The following PFAS variants were observed in gnomAD, a reference collection of about 807,000 sequenced individuals.
PFAS encodes the protein FGAM synthase.
PFAS carries 97 observed loss-of-function variants against 140.6 expected under a neutral mutation model. The ratio of observed to expected loss-of-function variants is 0.69; its 90% CI spans 0.59 to 0.82. PFAS has a LOEUF of 0.82. Ranked by LOEUF, PFAS falls within the 40% of genes least tolerant of loss-of-function variation. PFAS has a pLI of 0.00. For synonymous variants in PFAS, 679 were observed against 718.8 expected (o/e 0.94, Z 0.88); for missense variants, 1,656 against 1,780.2 (o/e 0.93, Z 1.26).
intron 11 of PFAS, among the ~76,000 whole-genome samples, chr17:8,261,259 C>T (rs547903520): frequency 1.3e-5 from 2 of 150,442 alleles, no homozygotes; most frequent in South Asian, 2.1e-4. Flanking sequence ...TTTGTAGAGA[C>T]AGAGTCTTGC....
chr17:8,268,676 G>C lies in PFAS; in HGVS notation c.3526G>C (p.Glu1176Gln). 6.2e-7 allele frequency: 1 copy of C among 1,613,692 alleles called. No individual in the cohort carries two copies. The highest frequency in any genetic ancestry group is 8.5e-7 in the Non-Finnish European group (1 of 1,180,010). ...LLGWVGGDPN[E>Q]DAAEMGPDSQ... ...CGGCTGGGTGGGAGGCGACCCCAAT[G>C]AGGATGCTGCAGAGATGGGCCCTGA... Residue 1176 changes from glutamate (E) to glutamine (Q), a missense_variant, in exon 27 of 28, where the codon GAG becomes CAG. Physicochemically the swap from Glu to Gln is conservative, Grantham distance 29 (BLOSUM62 2). Coordinates refer to ENST00000314666, the MANE Select transcript of PFAS (RefSeq NM_012393.3).
Position 8,257,869 on chromosome 17 carries a change from G to A in PFAS, c.1138G>A (p.Glu380Lys). Residue 380 changes from glutamate (E) to lysine (K), a missense_variant, in exon 10 of 28, where the codon GAG (glutamate) becomes AAG (lysine). Glu to Lys is a moderately conservative substitution (Grantham distance 56, BLOSUM62 1). This residue lies in a region of PFAS where 773 missense variants were observed against 757.3 expected (regional missense o/e 1.02). Coordinates refer to ENST00000314666, the MANE Select transcript of PFAS (RefSeq NM_012393.3). ...TCCTGGGAATTTTGCCCGGCCCCTG[G>A]AGGTTGCCATTGAAGCCAGTAATGG... Reference protein sequence around the residue: ...QYPGNFARPLEVAIEASNGAS... With the variant: ...QYPGNFARPLKVAIEASNGAS... 1.2e-6 allele frequency: 2 copies of A among 1,614,120 alleles called. No individual in the cohort carries two copies. Among genetic ancestry groups the A allele is most frequent in the South Asian group, 1.1e-5 (1 of 91,084 alleles).
chr17:8,248,541 G>A (rs1488681760), upstream of PFAS, among the ~76,000 whole-genome samples: 1 of 148,986 alleles, frequency 6.7e-6, no homozygotes, highest in African/African-American at 2.5e-5. Context: ...GATTACAGGC[G>A]TGAAACACAG....
At chr17:8,247,922 A>T (rs1291227288), upstream of PFAS, 10 of 1,454,602 alleles carry the variant, frequency 6.9e-6, no homozygotes, top group African/African-American at 1.4e-5. Context: ...GCCCAGAGAG[A>T]CAAGGCAGAG....
intron 1 of PFAS, among the ~76,000 whole-genome samples, chr17:8,253,542 T>TTTTA (rs898865699): frequency 1.3e-5 from 2 of 152,178 alleles, no homozygotes; most frequent in Non-Finnish European, 2.9e-5. Context: ...GTTATTTTTA[T>TTTTA]TTTATTTATT....
rs749584451 is a variant in PFAS at position 8,255,519 on chromosome 17, A to T, written c.402A>T (p.Ser134=). The T allele has an allele frequency of 6.6e-7, 1 of 1,517,898 alleles. No homozygotes were observed. Among genetic ancestry groups the T allele is most frequent in the Non-Finnish European group, 8.8e-7 (1 of 1,134,670 alleles). 94.0% of individuals were successfully genotyped at this position (1,517,898 alleles called of 1,614,324 possible). A position where few individuals can be genotyped will look rare whatever the true frequency, so the allele number is the denominator to read the frequency against. Residue 134 remains serine (S), a synonymous_variant, in exon 5 of 28, where the codon TCA becomes TCT. Coordinates refer to ENST00000314666, the MANE Select transcript of PFAS (RefSeq NM_012393.3). ...RYRLSFAHPP[S]AEVEAIALAT... ...ACCCCTAGTTTGCCCACCCCCCGTC[A>T]GCTGAGGTGGAAGCCATTGCTCTGG...
intron 9 of PFAS, 92 bp downstream of exon 9, chr17:8,257,055 C>T (rs1989398711): frequency 2.9e-6 from 4 of 1,377,800 alleles, no homozygotes; most frequent in Non-Finnish European, 4.1e-6. Flanking sequence ...ATAGGGTTAT[C>T]CTGTGTGCCT....
intron 3 of PFAS, among the ~76,000 whole-genome samples, 185 bp from the exon 4 acceptor site, chr17:8,254,842 G>A (rs1311163268): frequency 6.6e-6 from 1 of 152,186 alleles, no homozygotes; most frequent in Non-Finnish European, 1.5e-5. Context: ...TGATGCTAGA[G>A]GACAGTTTTG....
At position 8,254,247 on chromosome 17, in the gene PFAS, G is replaced by C. The variant is rs186747150; in HGVS notation, c.224G>C (p.Arg75Pro). The change falls in exon 3 of 28, where the codon CGG becomes CCG. Residue 75 changes from arginine (R) to proline (P), a missense_variant. Physicochemically the swap from Arg to Pro is moderately radical, Grantham distance 103 (BLOSUM62 -2). Around this residue, in one of 2 missense-constraint regions of PFAS, gnomAD observed 773 missense variants for 757.3 expected, o/e 1.02. Transcript: ENST00000314666. ...GCPLLLDDVA[R>P]ESWLLPGSND... ...CCCTTACTGCTGGATGATGTTGCTC[G>C]GGAGTCCTGGCTCCTTCCTGGCTCC... 3 of 1,614,114 alleles carry C rather than the reference G, an allele frequency of 1.9e-6. No homozygotes were observed. Among genetic ancestry groups the C allele is most frequent in the South Asian group, 1.1e-5 (1 of 91,080 alleles).
chr17:8,254,250 A>G lies in PFAS; in HGVS notation c.227A>G (p.Glu76Gly). The G allele has an allele frequency of 6.2e-7, 1 of 1,614,054 alleles. No individual in the cohort carries two copies. The highest frequency in any genetic ancestry group is 8.5e-7 in the Non-Finnish European group (1 of 1,179,992). ...CPLLLDDVARESWLLPGSNDL... is the reference protein window; with the variant it reads ...CPLLLDDVARGSWLLPGSNDL... ...TTACTGCTGGATGATGTTGCTCGGGAGTCCTGGCTCCTTCCTGGCTCCAAT... is the reference window on the plus strand; with the variant it reads ...TTACTGCTGGATGATGTTGCTCGGGGGTCCTGGCTCCTTCCTGGCTCCAAT... The change falls in exon 3 of 28, where the codon GAG becomes GGG. Residue 76 changes from glutamate (E) to glycine (G), a missense_variant. Coordinates refer to ENST00000314666, the MANE Select transcript of PFAS (RefSeq NM_012393.3).
rs201071550 is a variant in PFAS at position 8,267,609 on chromosome 17, G to T, written c.3326G>T (p.Arg1109Leu). ...GGGGCAATTGGGCTGGACACTTTCCGTGGCGTGGCCTTCGTGGGCGGCTTC... is the reference window on the plus strand; with the variant it reads ...GGGGCAATTGGGCTGGACACTTTCCTTGGCGTGGCCTTCGTGGGCGGCTTC... ...CSGAIGLDTF[R>L]GVAFVGGFSY... Residue 1109 changes from arginine (R) to leucine (L), a missense_variant, in exon 26 of 28, where the codon CGT becomes CTT. By Grantham distance (102) the Arg-to-Leu change is moderately radical (BLOSUM62 -2). Around this residue, in one of 2 missense-constraint regions of PFAS, gnomAD observed 883 missense variants for 1,023.0 expected, o/e 0.86. Coordinates refer to ENST00000314666, the MANE Select transcript of PFAS (RefSeq NM_012393.3). This position sits in a 1 kb window ranked among gnomAD's most constrained non-coding sequence, Gnocchi z 4.9. 1.9e-6 allele frequency: 3 copies of T among 1,613,526 alleles called. No homozygotes were observed. In the East Asian group the frequency reaches 6.7e-5, roughly 36 times the overall value.
In PFAS at chr17:8,264,429, G is replaced by A. The variant is rs755744449; in HGVS notation, c.1918-41G>A. 1.1e-5 allele frequency: 17 copies of A among 1,612,074 alleles called. 1 individual carries two copies. The highest frequency in any genetic ancestry group is 1.6e-4 in the Middle Eastern group (1 of 6,070). On this transcript the variant is annotated intron_variant, in intron 16 of 27. Coordinates refer to ENST00000314666, the MANE Select transcript of PFAS (RefSeq NM_012393.3). Reference sequence around the variant, plus strand: ...ACTTTGTCGCCTGTGTGCCCAGCCCGCCCCAGGTGTTCACACTGCCTGTCG... The same window carrying A: ...ACTTTGTCGCCTGTGTGCCCAGCCCACCCCAGGTGTTCACACTGCCTGTCG...
chr17:8,264,527 C>G lies in PFAS; in HGVS notation c.1975C>G (p.Leu659Val). The change falls in exon 17 of 28, where the codon CTG becomes GTG. Residue 659 changes from leucine (L) to valine (V), a missense_variant. Transcript: ENST00000314666. ...GCAGCCTCTGGCCTTGCCCCCAGGG[C>G]TGAGCGTGCACCAGGCTCTGGAGAG... ...MLQPLALPPG[L>V]SVHQALERVL... 6.2e-7 allele frequency: 1 copy of G among 1,613,764 alleles called. No homozygotes were observed. The highest frequency in any genetic ancestry group is 1.3e-5 in the African/African-American group (1 of 75,020).
At chr17:8,263,708 T>C (rs1989688298) in intron 14 of PFAS, 67 bp from the exon 15 acceptor site, 2 of 1,603,018 alleles carry the variant, frequency 1.2e-6, no homozygotes, top group Non-Finnish European at 1.7e-6. Context: ...CCCATCTCTC[T>C]TGCAACAACA....
Position 8,266,508 on chromosome 17 carries a change from G to T in PFAS, c.2821+155G>T, listed in dbSNP as rs189001497. The T allele has an allele frequency of 6.8e-7, 1 of 1,468,826 alleles. No homozygotes were observed. The highest frequency in any genetic ancestry group is 1.4e-5 in the African/African-American group (1 of 70,732). The allele number at this position is 1,468,826 out of a possible 1,614,324, so 91.0% of individuals were successfully genotyped here. On this transcript the variant is annotated intron_variant, in intron 22 of 27. Transcript: ENST00000314666. This position sits in a 1 kb window ranked among gnomAD's most constrained non-coding sequence, Gnocchi z 5.0. ...GTGCTGTCTCTCTGACAGCTGAACT[G>T]GATGGAACTGGCTGACACCCACCAT...
rs532048808 is a variant in PFAS at position 8,255,381 on chromosome 17, A to G, written c.385-121A>G. ...AAGGGCGTCTTTTTGTAATCTGAGA[A>G]AAAGTGCCATATGGTGTGGCAGTGG... On this transcript the variant is annotated intron_variant, in intron 4 of 27. Coordinates refer to ENST00000314666, the MANE Select transcript of PFAS (RefSeq NM_012393.3). 64 of 775,860 alleles carry G rather than the reference A, an allele frequency of 8.2e-5. 1 individual carries two copies. The South Asian group carries it at 1.2e-3, about 14-fold the overall frequency. The allele number at this position is 775,860 out of a possible 1,614,324, so 48.1% of individuals were successfully genotyped here.
At position 8,267,428 on chromosome 17, in the gene PFAS, G is replaced by T; in HGVS notation, c.3232G>T (p.Glu1078Ter). 6.2e-7 allele frequency: 1 copy of T among 1,614,180 alleles called. No homozygotes were observed. The highest frequency in any genetic ancestry group is 8.5e-7 in the Non-Finnish European group (1 of 1,180,026). Reference sequence around the variant, plus strand: ...AGAGGAGGGCAGTAATGGAGACCGGGAGATGGCCGATGCCTTCCACTTAGC... The same window carrying T: ...AGAGGAGGGCAGTAATGGAGACCGGTAGATGGCCGATGCCTTCCACTTAGC... ...LREEGSNGDREMADAFHLAGF... is the reference protein window; with the variant it reads ...LREEGSNGDR Residue 1078 changes from glutamate to a stop codon, truncating the protein, a stop_gained, in exon 25 of 28, where the codon GAG becomes TAG. Coordinates refer to ENST00000314666, the MANE Select transcript of PFAS (RefSeq NM_012393.3). LOFTEE classifies it high-confidence loss of function. This position sits in a 1 kb window ranked among gnomAD's most constrained non-coding sequence, Gnocchi z 4.9.
At position 8,265,302 on chromosome 17, in the gene PFAS, C is replaced by T. The variant is rs775046514; in HGVS notation, c.2295C>T (p.Ser765=). ...GCCACCCCCAGGATGTGAAGTGTAG[C>T]GGGAACTGGATGTGGGCAGCCAAGC... ...LVTDLRDVKC[S]GNWMWAAKLP... is the part of the protein sequence containing the mutation. Residue 765 remains serine (S), a synonymous_variant, in exon 19 of 28, where the codon AGC becomes AGT. Coordinates refer to ENST00000314666, the MANE Select transcript of PFAS (RefSeq NM_012393.3). The T allele has an allele frequency of 2.3e-5, 37 of 1,613,472 alleles. 2 individuals are homozygous for T. The Admixed American group carries it at 3.5e-4, about 15-fold the overall frequency.
intron 17 of PFAS, 30 bp from the exon 18 acceptor site, chr17:8,264,865 C>T: frequency 1.4e-6 from 2 of 1,457,702 alleles, no homozygotes; most frequent in Non-Finnish European, 1.9e-6. Context: ...CTGTCCCTTG[C>T]TCTCTTGCTA....
Sources: gnomAD v4.1 joint callset for allele counts (sites outside exome capture counted in the v4.1 genomes callset) on GRCh38, gnomAD v4.1.1 for gene constraint, gnomAD v4.1.1 regional missense constraint, Gnocchi (gnomAD v3.1) non-coding constraint, MANE v1.5 for transcripts, NCBI Gene and HGNC (gene_info 2026-07-23, HGNC 2026-07-21) for gene names.